Variants in ARHGAP42 observed in about 807,000 individuals in gnomAD.
ARHGAP42 encodes Rho GTPase activating protein 42.
In ARHGAP42, 63 loss-of-function variants were observed where a neutral mutation model predicts 125.0. The observed-to-expected ratio is 0.50, with a 90% CI of 0.41 to 0.62. The LOEUF (loss-of-function observed/expected upper bound fraction) is 0.62. Ranked by LOEUF, ARHGAP42 falls within the 20% of genes least tolerant of loss-of-function variation. ARHGAP42 has a pLI of 0.00. For synonymous variants in ARHGAP42, 339 were observed against 351.0 expected (o/e 0.97, Z 0.38); for missense variants, 766 against 1,024.2 (o/e 0.75, Z 3.44).
chr11:100,806,270 G>A (rs568298981), intron 3 of ARHGAP42, among the ~76,000 whole-genome samples: 40 of 152,188 alleles, frequency 2.6e-4, no homozygotes, highest in South Asian at 2.1e-3. Flanking sequence ...AAAGAATTAC[G>A]TATCCCCATT....
rs181471621 is a variant in ARHGAP42, at chr11:100,896,413, G to A, written c.385-17039G>A. 2.4e-3 allele frequency among the ~76,000 whole-genome samples: 366 copies of A among 152,274 alleles called. 1 individual carries two copies. Among genetic ancestry groups the A allele is most frequent in the African/African-American group, 8.4e-3 (350 of 41,554 alleles). On this transcript the variant is annotated intron_variant, in intron 4 of 23. Transcript: ENST00000298815. ...TCTAGTTCTAGATCCTTGAGGAATC[G>A]TCACACTGTCTTCCACAATGGTTGA...
intron 19 of ARHGAP42, among the ~76,000 whole-genome samples, chr11:100,975,207 A>G (rs868074880): frequency 6.6e-6 from 1 of 152,266 alleles, no homozygotes; most frequent in East Asian, 1.9e-4. Flanking sequence ...TAAAATAACT[A>G]AAAGAATGTA....
chr11:100,985,007 G>C (rs983092744), intron 22 of ARHGAP42, among the ~76,000 whole-genome samples: 1 of 152,170 alleles, frequency 6.6e-6, no homozygotes, highest in Non-Finnish European at 1.5e-5. Flanking sequence ...GAAAAGTCAT[G>C]ACAGGTAGTA....
intron 5 of ARHGAP42, among the ~76,000 whole-genome samples, chr11:100,914,515 CAA>C (rs1867012470): frequency 6.8e-6 from 1 of 147,856 alleles, no homozygotes; most frequent in Non-Finnish European, 1.5e-5. Context: ...TTGAGAACAA[CAA>C]CAACAACAAC....
chr11:100,943,880 T>A lies in ARHGAP42; in HGVS notation c.1043+12T>A. ...GAAGTAGTTGAAAGGTTTGAGCTGTTCTTTTCACTTTATTTTTTTCATAAG... is the reference window on the plus strand; with the variant it reads ...GAAGTAGTTGAAAGGTTTGAGCTGTACTTTTCACTTTATTTTTTTCATAAG... On this transcript the variant is annotated intron_variant, in intron 10 of 23. Transcript: ENST00000298815. 6.8e-7 allele frequency: 1 copy of A among 1,475,002 alleles called. No homozygotes were observed. Among genetic ancestry groups the A allele is most frequent in the Non-Finnish European group, 9.2e-7 (1 of 1,085,754 alleles). 91.4% of individuals were successfully genotyped at this position (1,475,002 alleles called of 1,614,324 possible). A position where few individuals can be genotyped will look rare whatever the true frequency, so the allele number is the denominator to read the frequency against.
chr11:100,796,186 A>G (rs778425506), intron 3 of ARHGAP42, among the ~76,000 whole-genome samples: 1 of 151,610 alleles, frequency 6.6e-6, no homozygotes, highest in Non-Finnish European at 1.5e-5. Flanking sequence ...AATGTTTCAA[A>G]TTTTTTCATT....
intron 4 of ARHGAP42, among the ~76,000 whole-genome samples, chr11:100,879,662 C>T (rs1320385469): frequency 2.6e-5 from 4 of 152,126 alleles, no homozygotes; most frequent in Admixed American, 2.6e-4. Flanking sequence ...CATGCCTATA[C>T]CCTGTGAGCT....
At chr11:100,982,037 A>T (rs505458) in intron 22 of ARHGAP42, among the ~76,000 whole-genome samples, 2 of 151,996 alleles carry the variant, frequency 1.3e-5, no homozygotes, top group Non-Finnish European at 2.9e-5. Context: ...AAACTTCTAC[A>T]TAGCAATTAC....
At chr11:100,767,075 G>A (rs1439120298) in intron 1 of ARHGAP42, among the ~76,000 whole-genome samples, 1 of 152,188 alleles carries the variant, frequency 6.6e-6, no homozygotes, top group African/African-American at 2.4e-5. Context: ...GCTATCAACA[G>A]ATTGTCCTGA....
In ARHGAP42 at chr11:100,808,598, G is replaced by A. The variant is rs1864060707; in HGVS notation, c.312+13432G>A. Among the ~76,000 whole-genome samples, 2 of 150,780 alleles carry A rather than the reference G, an allele frequency of 1.3e-5. 1 individual carries two copies. Among genetic ancestry groups the A allele is most frequent in the African/African-American group, 4.9e-5 (2 of 41,018 alleles). On this transcript the variant is annotated intron_variant, in intron 3 of 23. Coordinates refer to ENST00000298815, the MANE Select transcript of ARHGAP42 (RefSeq NM_152432.4). The stretch of plus-strand genomic sequence containing the variant: ...TTTTTTGTATTTTTAGTAGAGACGG[G>A]GTTTCACCTTGTTAGCCAGGATGGT...
At chr11:100,868,979 A>T (rs2135155118) in intron 4 of ARHGAP42, among the ~76,000 whole-genome samples, 1 of 152,232 alleles carries the variant, frequency 6.6e-6, no homozygotes, top group Non-Finnish European at 1.5e-5. Flanking sequence ...CTGTCAGTGT[A>T]ACTAAAGTAT....
intron 7 of ARHGAP42, among the ~76,000 whole-genome samples, chr11:100,934,297 G>A (rs185905325): frequency 6.6e-6 from 1 of 152,090 alleles, no homozygotes; most frequent in East Asian, 1.9e-4. Flanking sequence ...TCATGGGCAT[G>A]ATGTTTGGGT....
intron 16 of ARHGAP42, among the ~76,000 whole-genome samples, chr11:100,962,896 A>G (rs185191336): frequency 6.6e-6 from 1 of 152,280 alleles, no homozygotes; most frequent in East Asian, 1.9e-4. Flanking sequence ...AAAAGAAAAA[A>G]GTTGTTAATC....
At chr11:100,736,561 G>GT (rs1862073158) in intron 1 of ARHGAP42, among the ~76,000 whole-genome samples, 1 of 152,222 alleles carries the variant, frequency 6.6e-6, no homozygotes, top group South Asian at 2.1e-4. Flanking sequence ...GTGTCTCTGT[G>GT]TTTTTTTCCT....
At chr11:100,696,414 C>A (rs1433513098) in intron 1 of ARHGAP42, among the ~76,000 whole-genome samples, 1 of 151,842 alleles carries the variant, frequency 6.6e-6, no homozygotes, top group Non-Finnish European at 1.5e-5. Flanking sequence ...AGTGCAATGG[C>A]GTGATCTTGG....
intron 8 of ARHGAP42, among the ~76,000 whole-genome samples, chr11:100,938,590 T>A (rs1867797438): frequency 6.6e-6 from 1 of 152,186 alleles, no homozygotes; most frequent in Non-Finnish European, 1.5e-5. Context: ...TGTGAAGCCA[T>A]CACCACACTA....
chr11:100,691,239 C>G (rs1430292087), intron 1 of ARHGAP42, among the ~76,000 whole-genome samples: 1 of 152,132 alleles, frequency 6.6e-6, no homozygotes, highest in Non-Finnish European at 1.5e-5. Context: ...GAACTGTATC[C>G]TTTTAACAGG....
chr11:100,962,875 T>G (rs1857991068), intron 16 of ARHGAP42, among the ~76,000 whole-genome samples: 1 of 152,104 alleles, frequency 6.6e-6, no homozygotes, highest in Non-Finnish European at 1.5e-5. Context: ...AAACTCCATC[T>G]CAAATTAAAA....
intron 7 of ARHGAP42, among the ~76,000 whole-genome samples, chr11:100,934,938 A>C (rs1166752810): frequency 6.6e-6 from 1 of 152,150 alleles, no homozygotes; most frequent in African/African-American, 2.4e-5. Context: ...TTAGGCTTTT[A>C]CAGTTACTAT....
Sources: allele counts gnomAD v4.1 joint callset (sites outside exome capture counted in the v4.1 genomes callset), GRCh38; gene constraint gnomAD v4.1.1; transcripts MANE v1.5; gene names NCBI Gene and HGNC (gene_info 2026-07-23, HGNC 2026-07-21).